Variants in SOX6 observed in about 807,000 individuals in gnomAD.
SOX6 encodes transcription factor SOX-6.
In SOX6, 11 loss-of-function variants were observed where a neutral mutation model predicts 97.8. The ratio of observed to expected loss-of-function variants is 0.11; its 90% CI spans 0.07 to 0.19. The LOEUF is 0.19. Ranked by LOEUF, SOX6 falls within the 10% of genes least tolerant of loss-of-function variation. SOX6 has a pLI of 1.00. For missense variants in SOX6, 810 were observed against 1,039.5 expected (o/e 0.78, Z 3.04); for synonymous variants, 360 against 371.4 (o/e 0.97, Z 0.35).
intron 3 of SOX6, among the ~76,000 whole-genome samples, chr11:16,270,756 T>C: frequency 6.6e-6 from 1 of 151,506 alleles, no homozygotes. Context: ...TGCTAGTTGA[T>C]AAAAGTCATA....
At chr11:16,105,177 T>C (rs1234446198) in intron 7 of SOX6, among the ~76,000 whole-genome samples, 1 of 151,574 alleles carries the variant, frequency 6.6e-6, no homozygotes, top group Non-Finnish European at 1.5e-5. Flanking sequence ...CAATGGCAAA[T>C]TAAAAGAATT....
At chr11:16,480,499 CA>C (rs1860324587), upstream of SOX6, among the ~76,000 whole-genome samples, 1 of 151,978 alleles carries the variant, frequency 6.6e-6, no homozygotes, top group Non-Finnish European at 1.5e-5. Flanking sequence ...CCCACTCTAC[CA>C]AAAATAGGTA....
intron 4 of SOX6, among the ~76,000 whole-genome samples, chr11:16,594,913 A>G (rs948647103): frequency 5.9e-5 from 9 of 151,696 alleles, no homozygotes; most frequent in Admixed American, 2.0e-4. Context: ...GGATGGTCTC[A>G]ATCTCATGAC....
At chr11:16,546,959 T>C (rs901098375) in intron 4 of SOX6, among the ~76,000 whole-genome samples, 8 of 152,096 alleles carry the variant, frequency 5.3e-5, no homozygotes, top group African/African-American at 1.7e-4. Context: ...CATGAATAGA[T>C]ACTTCTCAAA....
intron 6 of SOX6, among the ~76,000 whole-genome samples, chr11:16,155,207 C>A (rs1850565890): frequency 6.6e-6 from 1 of 152,074 alleles, no homozygotes; most frequent in African/African-American, 2.4e-5. Flanking sequence ...ATCCAGGGCT[C>A]TAGATTCTCA....
At chr11:16,491,621 A>G (rs1353086563) in intron 4 of SOX6, among the ~76,000 whole-genome samples, 1 of 152,168 alleles carries the variant, frequency 6.6e-6, no homozygotes, top group African/African-American at 2.4e-5. Flanking sequence ...CTTGAGCACA[A>G]AGAATAGACT....
At chr11:16,212,029 G>A (rs1239444522) in intron 4 of SOX6, among the ~76,000 whole-genome samples, 1 of 152,150 alleles carries the variant, frequency 6.6e-6, no homozygotes, top group Admixed American at 6.5e-5. Context: ...GAAATGTACA[G>A]TAGAAAATAA....
intron 3 of SOX6, among the ~76,000 whole-genome samples, chr11:16,674,640 G>A (rs754243066): frequency 3.9e-5 from 6 of 152,310 alleles, no homozygotes; most frequent in Middle Eastern, 3.4e-3. Context: ...AGCCAAGGCA[G>A]GCAGATCACC....
At chr11:16,151,453 T>C (rs1850455714) in intron 6 of SOX6, among the ~76,000 whole-genome samples, 1 of 152,190 alleles carries the variant, frequency 6.6e-6, no homozygotes, top group African/African-American at 2.4e-5. Context: ...GTCTTTGACA[T>C]AACTTAGCTT....
chr11:16,631,264 G>A (rs570483405), intron 3 of SOX6, among the ~76,000 whole-genome samples: 118 of 151,282 alleles, frequency 7.8e-4, no homozygotes, highest in African/African-American at 2.5e-3. Context: ...AGGATCTCCC[G>A]TAAGGTTGGT....
At chr11:16,339,768 A>G (rs1203321336) in intron 2 of SOX6, among the ~76,000 whole-genome samples, 1 of 152,120 alleles carries the variant, frequency 6.6e-6, no homozygotes, top group African/African-American at 2.4e-5. Flanking sequence ...TTGTTTAAAT[A>G]AAAATGAAAC....
chr11:16,561,425 A>G (rs1262476889), intron 4 of SOX6, among the ~76,000 whole-genome samples: 1 of 152,104 alleles, frequency 6.6e-6, no homozygotes, highest in Non-Finnish European at 1.5e-5. Flanking sequence ...AGTTTAGCCC[A>G]ACAGAAGACT....
intron 3 of SOX6, among the ~76,000 whole-genome samples, chr11:16,661,550 T>C (rs12800935): frequency 0.17 from 25,277 of 152,084 alleles, 2,209 homozygotes; most frequent in Non-Finnish European, 0.18. Context: ...CTGGTCTTTT[T>C]TTTCTTTTCT....
At chr11:16,598,834 GATATATC>G (rs1219303113) in intron 4 of SOX6, among the ~76,000 whole-genome samples, 1 of 151,942 alleles carries the variant, frequency 6.6e-6, no homozygotes, top group Non-Finnish European at 1.5e-5. Context: ...CATGTGAATG[GATATATC>G]AAAGATAGAC....
chr11:16,449,676 A>G (rs1029750761), intron 1 of SOX6, among the ~76,000 whole-genome samples: 3 of 152,212 alleles, frequency 2.0e-5, no homozygotes, highest in Non-Finnish European at 4.4e-5. Context: ...CAACAGAGCC[A>G]TGAAGATCAT....
chr11:16,465,022 A>T (rs1245660218), intron 1 of SOX6, among the ~76,000 whole-genome samples: 1 of 152,184 alleles, frequency 6.6e-6, no homozygotes, highest in African/African-American at 2.4e-5. Context: ...TGTTTAACTT[A>T]TCTCTCTGCC....
chr11:16,425,672 C>A (rs1036588102), intron 1 of SOX6, among the ~76,000 whole-genome samples: 1 of 152,122 alleles, frequency 6.6e-6, no homozygotes, highest in Non-Finnish European at 1.5e-5. Context: ...TATACACCAA[C>A]AACAGTCAAG....
rs757170538 is a variant in SOX6, at chr11:16,046,674, G to T, written c.1463C>A (p.Ala488Asp). ...CACTGTATCCTGATCCCCAAAAAGG[G>T]CAGGGGAGTTGAGACTAGATAGGAT... ...LDILSSLNSP[A>D]LFGDQDTVMK... The change falls in exon 12 of 16, where the codon GCC becomes GAC. Residue 488 changes from alanine to aspartate, a missense_variant. Transcript: ENST00000683767. The T allele has an allele frequency of 1.2e-6, 2 of 1,613,584 alleles. No individual in the cohort carries two copies. The highest frequency in any genetic ancestry group is 1.7e-6 in the Non-Finnish European group (2 of 1,179,750).
intron 4 of SOX6, among the ~76,000 whole-genome samples, chr11:16,503,380 C>A (rs765884146): frequency 3.3e-5 from 5 of 151,746 alleles, no homozygotes; most frequent in Non-Finnish European, 5.9e-5. Flanking sequence ...AAGAAAGGAA[C>A]AAATTGTAGG....
Sources: gnomAD v4.1 joint callset for allele counts (sites outside exome capture counted in the v4.1 genomes callset) on GRCh38, gnomAD v4.1.1 for gene constraint, MANE v1.5 for transcripts, NCBI Gene and HGNC (gene_info 2026-07-23, HGNC 2026-07-21) for gene names.